ATP8B4: variants seen among roughly 807,000 people sequenced by gnomAD.
ATP8B4 encodes probable phospholipid-transporting ATPase IM.
A neutral mutation model predicts 145.6 loss-of-function variants in ATP8B4; 133 were observed. The observed-to-expected ratio is 0.91, with a 90% CI of 0.79 to 1.05. The LOEUF (loss-of-function observed/expected upper bound fraction) is 1.05, where lower values mean the gene tolerates loss of function less well. Among genes scored for constraint, ATP8B4 ranks in the 50% least tolerant of loss-of-function variants. The probability of loss-of-function intolerance (pLI) is 0.00; values close to 1 mark genes in which losing one functional copy is unlikely to be tolerated. For synonymous variants in ATP8B4, 507 were observed against 492.9 expected (o/e 1.03, Z -0.38); for missense variants, 1,458 against 1,425.2 (o/e 1.02, Z -0.37).
chr15:49,971,033 T>C (rs2045073330), intron 13 of ATP8B4, among the ~76,000 whole-genome samples: 2 of 152,178 alleles, frequency 1.3e-5, no homozygotes, highest in South Asian at 4.1e-4. Flanking sequence ...GGATTCCCTG[T>C]TTAATAAATG....
At chr15:49,982,872 A>G (rs920283572) in intron 10 of ATP8B4, among the ~76,000 whole-genome samples, 3 of 152,170 alleles carry the variant, frequency 2.0e-5, no homozygotes, top group Non-Finnish European at 4.4e-5. Context: ...AATATCCTCC[A>G]TAACTTCTTG....
At chr15:49,866,212 A>C in intron 26 of ATP8B4, 134 bp downstream of exon 26, 1 of 1,284,570 alleles carries the variant, frequency 7.8e-7, no homozygotes, top group East Asian at 2.5e-5. Flanking sequence ...GGAAGCCTTC[A>C]GATGCCTGGC....
chr15:50,105,891 C>T (rs2056653709), intron 2 of ATP8B4, among the ~76,000 whole-genome samples: 1 of 151,120 alleles, frequency 6.6e-6, no homozygotes, highest in Non-Finnish European at 1.5e-5. Context: ...ATCTTATCTT[C>T]ACACTATTAA....
At chr15:50,144,601 C>T (rs768812712) in intron 1 of ATP8B4, among the ~76,000 whole-genome samples, 3 of 152,172 alleles carry the variant, frequency 2.0e-5, no homozygotes, top group Non-Finnish European at 4.4e-5. Flanking sequence ...CCCACCAAGT[C>T]CCTCCCTTGA....
intron 6 of ATP8B4, among the ~76,000 whole-genome samples, chr15:50,038,311 T>C (rs547010414): frequency 7.2e-5 from 11 of 152,338 alleles, no homozygotes; most frequent in African/African-American, 2.6e-4. Context: ...AATTGTACTA[T>C]GGTAGATGGC....
rs766966140 is a variant in ATP8B4 at position 49,876,415 on chromosome 15, A to G, written c.2890T>C (p.Tyr964His). The change falls in exon 25 of 28, where the codon TAC becomes CAC. Residue 964 changes from tyrosine to histidine, a missense_variant. By Grantham distance (83) the Tyr-to-His change is moderately conservative. Transcript: ENST00000284509. ...KFFICVLHGI[Y>H]TSLVLFFIPY... ...ATGAAGAAAAGGACTAATGAGGTGT[A>G]GATTCCATGCAACACGCAAATGAAA... 5 of 1,614,142 alleles carry G rather than the reference A, an allele frequency of 3.1e-6. No individual in the cohort carries two copies. The East Asian group carries it at 1.1e-4, about 36-fold the overall frequency.
chr15:50,051,416 G>A (rs2052176432), intron 3 of ATP8B4, among the ~76,000 whole-genome samples: 1 of 152,174 alleles, frequency 6.6e-6, no homozygotes, highest in Non-Finnish European at 1.5e-5. Flanking sequence ...CAGGAATCAA[G>A]GTGTCCAGTT....
intron 1 of ATP8B4, among the ~76,000 whole-genome samples, chr15:50,110,077 T>C (rs990941261): frequency 1.3e-5 from 2 of 152,240 alleles, no homozygotes; most frequent in Non-Finnish European, 1.5e-5. Context: ...TAAATCCATT[T>C]TTCAATTTTA....
chr15:49,972,461 G>A (rs553882881), intron 13 of ATP8B4, 121 bp downstream of exon 13: 33 of 838,318 alleles, frequency 3.9e-5, no homozygotes, highest in Admixed American at 8.4e-5. Context: ...AGATGCTGAC[G>A]GTGCCCATAT....
intron 14 of ATP8B4, among the ~76,000 whole-genome samples, chr15:49,947,651 C>G (rs1038249787): frequency 6.6e-6 from 1 of 151,768 alleles, no homozygotes; most frequent in African/African-American, 2.4e-5. Flanking sequence ...CACAAATGAC[C>G]CCAGATAGCC....
At chr15:50,121,879 C>T (rs1270360401), upstream of ATP8B4, among the ~76,000 whole-genome samples, 4 of 151,978 alleles carry the variant, frequency 2.6e-5, no homozygotes, top group Admixed American at 2.0e-4. Context: ...CTTGTCCTGA[C>T]AAAAATCTCG....
upstream of ATP8B4, among the ~76,000 whole-genome samples, chr15:50,121,507 C>G (rs1444960041): frequency 6.6e-6 from 1 of 152,026 alleles, no homozygotes; most frequent in Non-Finnish European, 1.5e-5. Flanking sequence ...TTATGTATAC[C>G]TAGCACAACT....
intron 14 of ATP8B4, among the ~76,000 whole-genome samples, chr15:49,945,802 GA>G (rs2153482085): frequency 6.6e-6 from 1 of 152,204 alleles, no homozygotes; most frequent in South Asian, 2.1e-4. Flanking sequence ...ATCCATTCAT[GA>G]TTTAAAAAGA....
chr15:50,039,203 T>C (rs2051079236), intron 5 of ATP8B4, among the ~76,000 whole-genome samples: 1 of 152,262 alleles, frequency 6.6e-6, no homozygotes, highest in African/African-American at 2.4e-5. Flanking sequence ...CCATGTGTAC[T>C]GAATGCTTTA....
chr15:50,065,817 T>C (rs1567293710), intron 3 of ATP8B4, among the ~76,000 whole-genome samples: 1 of 152,096 alleles, frequency 6.6e-6, no homozygotes, highest in African/African-American at 2.4e-5. Context: ...AAGCCAAATC[T>C]GTTTTTTTAA....
intron 6 of ATP8B4, among the ~76,000 whole-genome samples, chr15:50,027,528 C>T (rs561451812): frequency 3.3e-5 from 5 of 152,296 alleles, no homozygotes; most frequent in South Asian, 4.1e-4. Flanking sequence ...GAATGAAATT[C>T]GTCCCGTTGC....
intron 2 of ATP8B4, among the ~76,000 whole-genome samples, chr15:50,100,250 T>TGAG (rs2056269614): frequency 1.3e-5 from 2 of 152,140 alleles, no homozygotes; most frequent in Non-Finnish European, 2.9e-5. Flanking sequence ...ACGTGAACTT[T>TGAG]CTCACTGAGA....
At chr15:50,000,490 G>T (rs575961078) in intron 8 of ATP8B4, among the ~76,000 whole-genome samples, 19 of 152,144 alleles carry the variant, frequency 1.2e-4, no homozygotes, top group Admixed American at 9.8e-4. Context: ...CCATTTGTAC[G>T]TCCTCTTTGG....
At chr15:49,983,593 T>TC (rs2046342244) in intron 10 of ATP8B4, among the ~76,000 whole-genome samples, 1 of 151,952 alleles carries the variant, frequency 6.6e-6, no homozygotes, top group African/African-American at 2.4e-5. Context: ...TTTTCCTCCT[T>TC]CCCAACCCCA....
Sources: gnomAD v4.1 joint callset for allele counts (sites outside exome capture counted in the v4.1 genomes callset) on GRCh38, gnomAD v4.1.1 for gene constraint, MANE v1.5 for transcripts, NCBI Gene and HGNC (gene_info 2026-07-23, HGNC 2026-07-21) for gene names.